The following ANKS1A variants were observed in gnomAD, a reference collection of about 807,000 sequenced individuals.
ANKS1A encodes the protein ankyrin repeat and SAM domain-containing protein 1A.
A neutral mutation model predicts 120.3 loss-of-function variants in ANKS1A; 55 were observed. The observed-to-expected ratio is 0.46, with a 90% CI of 0.37 to 0.57. ANKS1A has a LOEUF of 0.57. Among genes scored for constraint, ANKS1A ranks in the 20% least tolerant of loss-of-function variants. ANKS1A has a pLI of 0.00. For synonymous variants in ANKS1A, 590 were observed against 604.7 expected, an observed-to-expected ratio of 0.98 and a Z score of 0.36; for missense variants, 1,123 against 1,480.3, an observed-to-expected ratio of 0.76 and a Z score of 3.96.
At chr6:35,076,149 C>CTT in intron 13 of ANKS1A, among the ~76,000 whole-genome samples, 1 of 152,244 alleles carries the variant, frequency 6.6e-6, no homozygotes, top group African/African-American at 2.4e-5. Context: ...GCTGTCCGGG[C>CTT]GCAGTGGCTC....
rs572210227 is a variant in ANKS1A at position 34,980,089 on chromosome 6, T to C, written c.436-1601T>C. On this transcript the variant is annotated intron_variant, in intron 3 of 23. Transcript: ENST00000360359. The stretch of plus-strand genomic sequence containing the variant: ...CACAGGGAGGACCTCAAAGACTTGC[T>C]TTCTGCCCAGCATTTCCCCTTCCTC... Among the ~76,000 whole-genome samples the C allele has an allele frequency of 9.9e-4, 151 of 152,376 alleles. 2 individuals are homozygous for C. Among genetic ancestry groups the C allele is most frequent in the Middle Eastern group, 6.8e-3 (2 of 294 alleles).
At chr6:35,069,313 A>C in intron 13 of ANKS1A, among the ~76,000 whole-genome samples, 2 of 145,138 alleles carry the variant, frequency 1.4e-5, no homozygotes, top group East Asian at 2.1e-4. Context: ...AACCCCCACC[A>C]TTGTCCCTTG....
Position 35,088,655 on chromosome 6 carries a change from C to T in ANKS1A, c.*46C>T. The T allele has an allele frequency of 6.2e-7, 1 of 1,614,166 alleles. No individual in the cohort carries two copies. The highest frequency in any genetic ancestry group is 1.1e-5 in the South Asian group (1 of 91,088). ...TGCTGCGGAAACATAGACGTGGGGG[C>T]ATAGGCTCCCACTGCCACCACCGCC... On this transcript the variant is annotated 3_prime_UTR_variant, in exon 24 of 24. Coordinates refer to ENST00000360359, the MANE Select transcript of ANKS1A (RefSeq NM_015245.3).
intron 11 of ANKS1A, among the ~76,000 whole-genome samples, chr6:35,021,995 AAAAAC>A (rs1774369503): frequency 2.0e-5 from 3 of 151,790 alleles, no homozygotes; most frequent in Non-Finnish European, 4.4e-5. Flanking sequence ...AAAAAAAAAA[AAAAAC>A]AAAACAGAGC....
intron 10 of ANKS1A, among the ~76,000 whole-genome samples, chr6:35,008,871 A>G (rs1773599211): frequency 6.6e-6 from 1 of 152,238 alleles, no homozygotes; most frequent in Admixed American, 6.5e-5. Flanking sequence ...ACCCCTAGAT[A>G]GAGTTATACC....
chr6:34,914,690 G>C (rs1483136344), intron 1 of ANKS1A, among the ~76,000 whole-genome samples: 2 of 152,150 alleles, frequency 1.3e-5, no homozygotes, highest in Non-Finnish European at 2.9e-5. Flanking sequence ...TTAAAAAACA[G>C]GCCTTTGGGC....
chr6:35,056,479 A>G (rs923162077), intron 12 of ANKS1A, among the ~76,000 whole-genome samples: 8 of 152,138 alleles, frequency 5.3e-5, no homozygotes, highest in East Asian at 3.9e-4. Context: ...TAGTAGAGAC[A>G]GGGTTTCACC....
intron 11 of ANKS1A, among the ~76,000 whole-genome samples, chr6:35,040,917 C>T (rs1775424272): frequency 6.6e-6 from 1 of 152,194 alleles, no homozygotes; most frequent in South Asian, 2.1e-4. Context: ...TCCCTCTTCC[C>T]TCGTATCCCA....
At chr6:35,003,512 T>C (rs1434316840) in intron 10 of ANKS1A, among the ~76,000 whole-genome samples, 1 of 152,214 alleles carries the variant, frequency 6.6e-6, no homozygotes, top group African/African-American at 2.4e-5. Context: ...AACTGGCACA[T>C]GTGCCCGTAC....
At chr6:35,065,822 G>A (rs943422019) in intron 13 of ANKS1A, among the ~76,000 whole-genome samples, 30 of 152,238 alleles carry the variant, frequency 2.0e-4, no homozygotes, top group African/African-American at 7.2e-4. Flanking sequence ...GGCAAGGAAT[G>A]AGATGCAGTT....
chr6:34,942,482 TGA>T (rs1237129603), intron 1 of ANKS1A, among the ~76,000 whole-genome samples: 1 of 152,084 alleles, frequency 6.6e-6, no homozygotes, highest in Non-Finnish European at 1.5e-5. Context: ...ATCTGAAGAG[TGA>T]GTGAGGTGGT....
In ANKS1A at chr6:35,017,564, CT is replaced by C. The variant is rs1774091241; in HGVS notation, c.1516del (p.Ser506ProfsTer79). 6.2e-7 allele frequency: 1 copy of C among 1,613,996 alleles called. No individual in the cohort carries two copies. The highest frequency in any genetic ancestry group is 8.5e-7 in the Non-Finnish European group (1 of 1,180,020). On this transcript the variant is annotated frameshift_variant, in exon 11 of 24. Transcript: ENST00000360359. LOFTEE classifies it high-confidence loss of function. The part of the protein sequence containing the change: ...PEQFSGLLHG[S>X]SPVCEVGQDP... ...AGCAGTTCTCAGGCCTCCTCCACGGCTCCTCCCCGGTGTGCGAGGTGGGGCA... is the reference window on the plus strand; with the variant it reads ...AGCAGTTCTCAGGCCTCCTCCACGGCCCTCCCCGGTGTGCGAGGTGGGGCA...
At chr6:35,027,139 C>A (rs889774985) in intron 11 of ANKS1A, among the ~76,000 whole-genome samples, 1 of 152,120 alleles carries the variant, frequency 6.6e-6, no homozygotes, top group African/African-American at 2.4e-5. Context: ...ATTACTAAGA[C>A]CAGAAGATGG....
chr6:34,938,557 C>A (rs1769369950), intron 1 of ANKS1A, among the ~76,000 whole-genome samples: 2 of 152,220 alleles, frequency 1.3e-5, no homozygotes, highest in Admixed American at 1.3e-4. Context: ...CCCCAAGAAG[C>A]CTATTTTGGT....
intron 1 of ANKS1A, among the ~76,000 whole-genome samples, chr6:34,890,991 G>T (rs558027028): frequency 6.6e-6 from 1 of 152,214 alleles, no homozygotes; most frequent in Non-Finnish European, 1.5e-5. Flanking sequence ...ATTTGTTGAA[G>T]AAATAAAAGT....
intron 1 of ANKS1A, among the ~76,000 whole-genome samples, chr6:34,965,153 A>G (rs1770831247): frequency 6.6e-6 from 1 of 152,158 alleles, no homozygotes; most frequent in Admixed American, 6.5e-5. Context: ...TGTGCACTTA[A>G]TCTACTCTCC....
intron 1 of ANKS1A, among the ~76,000 whole-genome samples, chr6:34,951,039 T>C (rs2127492984): frequency 6.6e-6 from 1 of 152,318 alleles, no homozygotes; most frequent in African/African-American, 2.4e-5. Flanking sequence ...GCCTTCCATA[T>C]GTTTGTATAA....
At position 35,082,768 on chromosome 6, in the gene ANKS1A, A is replaced by G. The variant is rs1431174884; in HGVS notation, c.2787A>G (p.Gln929=). Reference sequence around the variant, plus strand: ...CCTACGCCCCAGTGCAGAGTTGGCAACACCAGCCAGAGAAACTCATCTTCG... The same window carrying G: ...CCTACGCCCCAGTGCAGAGTTGGCAGCACCAGCCAGAGAAACTCATCTTCG... ...AAPYAPVQSW[Q]HQPEKLIFES... is the part of the protein sequence containing the mutation. Residue 929 remains glutamine (Q), a synonymous_variant, in exon 18 of 24, where the codon CAA becomes CAG. Coordinates refer to ENST00000360359, the MANE Select transcript of ANKS1A (RefSeq NM_015245.3). This position sits in a 1 kb window ranked among gnomAD's most constrained non-coding sequence, Gnocchi z 4.1. 1.2e-6 allele frequency: 2 copies of G among 1,613,980 alleles called. No homozygotes were observed. The highest frequency in any genetic ancestry group is 1.7e-6 in the Non-Finnish European group (2 of 1,179,914).
rs1581647024 is a variant in ANKS1A, at chr6:34,889,264, C to G, written c.-139C>G. ...GACGCCGGATCCCGGAAGTGACGCG[C>G]TCGTGGGGAAAAGGCAGGGAGGGGG... On this transcript the variant is annotated 5_prime_UTR_variant, in exon 1 of 24. Transcript: ENST00000360359. This position sits in a 1 kb window ranked among gnomAD's most constrained non-coding sequence, Gnocchi z 5.5. 1 of 1,158,338 alleles carries G rather than the reference C, an allele frequency of 8.6e-7. No homozygotes were observed. Among genetic ancestry groups the G allele is most frequent in the East Asian group, 3.3e-5 (1 of 30,180 alleles). The allele number at this position is 1,158,338 out of a possible 1,614,324, so 71.8% of individuals were successfully genotyped here.
Sources: gnomAD v4.1 joint callset for allele counts (sites outside exome capture counted in the v4.1 genomes callset) on GRCh38, gnomAD v4.1.1 for gene constraint, Gnocchi (gnomAD v3.1) non-coding constraint, MANE v1.5 for transcripts, NCBI Gene and HGNC (gene_info 2026-07-23, HGNC 2026-07-21) for gene names.